SLCO4C1: variants seen among roughly 807,000 people sequenced by gnomAD.
SLCO4C1 encodes organic anion transporter M1.
A neutral mutation model predicts 72.1 loss-of-function variants in SLCO4C1; 58 were observed. That is an observed-to-expected ratio of 0.80 (90% CI 0.65 to 1.00). The LOEUF (loss-of-function observed/expected upper bound fraction) is 1.00, where lower values mean the gene tolerates loss of function less well. Ranked by LOEUF, SLCO4C1 falls within the 50% of genes least tolerant of loss-of-function variation. The pLI is 0.00. For missense variants in SLCO4C1, 898 were observed against 857.9 expected (o/e 1.05, Z -0.58); for synonymous variants, 297 against 312.5 (o/e 0.95, Z 0.52).
chr5:102,239,444 G>T, intron 11 of SLCO4C1, 56 bp from the exon 12 acceptor site: 1 of 1,294,792 alleles, frequency 7.7e-7, no homozygotes, highest in Non-Finnish European at 1.0e-6. Context: ...TAGAATTACA[G>T]ATCTTTTTAT....
intron 2 of SLCO4C1, among the ~76,000 whole-genome samples, chr5:102,283,782 G>A (rs1749399162): frequency 1.3e-5 from 2 of 151,946 alleles, no homozygotes; most frequent in South Asian, 4.1e-4. Flanking sequence ...TCCTTCCACA[G>A]AAGACAGTAA....
intron 2 of SLCO4C1, among the ~76,000 whole-genome samples, chr5:102,281,351 A>T (rs544574831): frequency 2.0e-5 from 3 of 152,256 alleles, no homozygotes; most frequent in Admixed American, 1.3e-4. Flanking sequence ...TTTTTTAAAA[A>T]TAGAAGAAAA....
At chr5:102,240,267 T>C (rs1461269807) in intron 11 of SLCO4C1, among the ~76,000 whole-genome samples, 1 of 152,142 alleles carries the variant, frequency 6.6e-6, no homozygotes, top group Admixed American at 6.6e-5. Context: ...TAATTTGTCC[T>C]GTACCTGGAA....
At position 102,295,972 on chromosome 5, in the gene SLCO4C1, A is replaced by T; in HGVS notation, c.291T>A (p.Cys97Ter). Residue 97 changes from cysteine to a stop codon, truncating the protein, a stop_gained, in exon 1 of 13, where the codon TGT (cysteine) becomes TGA (stop). Coordinates refer to ENST00000310954, the MANE Select transcript of SLCO4C1 (RefSeq NM_180991.5). LOFTEE classifies it high-confidence loss of function. Reference sequence around the variant, plus strand: ...CTCCAGGTGTGTTGCAGCGCTGGAGACATTGAGGATGGAAGTTCCTCCAGC... The same window carrying T: ...CTCCAGGTGTGTTGCAGCGCTGGAGTCATTGAGGATGGAAGTTCCTCCAGC... ...SYGWRNFHPQ[C>*]LQRCNTPGGF... The T allele has an allele frequency of 6.2e-7, 1 of 1,614,244 alleles. No homozygotes were observed. Among genetic ancestry groups the T allele is most frequent in the Non-Finnish European group, 8.5e-7 (1 of 1,180,050 alleles).
intron 12 of SLCO4C1, among the ~76,000 whole-genome samples, chr5:102,238,780 G>C (rs1264909505): frequency 6.6e-6 from 1 of 151,800 alleles, no homozygotes; most frequent in Non-Finnish European, 1.5e-5. Flanking sequence ...ACTGCAAAAG[G>C]CAAAAAGAAT....
intron 2 of SLCO4C1, among the ~76,000 whole-genome samples, chr5:102,285,216 C>CACAT (rs1452456265): frequency 6.6e-6 from 1 of 150,652 alleles, no homozygotes; most frequent in Non-Finnish European, 1.5e-5. Context: ...TATACATACA[C>CACAT]ACACACACAC....
At chr5:102,282,559 TAGA>T (rs1263986645) in intron 2 of SLCO4C1, among the ~76,000 whole-genome samples, 5 of 151,884 alleles carry the variant, frequency 3.3e-5, no homozygotes, top group Non-Finnish European at 7.4e-5. Context: ...AATGAAATAA[TAGA>T]AAAGCAAAAA....
intron 3 of SLCO4C1, among the ~76,000 whole-genome samples, chr5:102,270,420 C>T (rs1749128480): frequency 6.6e-6 from 1 of 152,040 alleles, no homozygotes; most frequent in Non-Finnish European, 1.5e-5. Flanking sequence ...AGAAATACAG[C>T]AGAGGATCAA....
Position 102,291,601 on chromosome 5 carries a change from C to T in SLCO4C1, c.361G>A (p.Val121Ile). ...CTAATATTTACTAGGCCATTAACTACAATACCTAAAAAACAGAAAAGTTGA... is the reference window on the plus strand; with the variant it reads ...CTAATATTTACTAGGCCATTAACTATAATACCTAAAAAACAGAAAAGTTGA... ...YCLLAVTQGI[V>I]VNGLVNISIS... is the part of the protein sequence containing the mutation. Residue 121 changes from valine (V) to isoleucine (I), a missense_variant, in exon 2 of 13, where the codon GTA becomes ATA. Val to Ile is a conservative substitution (Grantham distance 29). Coordinates refer to ENST00000310954, the MANE Select transcript of SLCO4C1 (RefSeq NM_180991.5). The T allele has an allele frequency of 6.2e-7, 1 of 1,602,250 alleles. No individual in the cohort carries two copies. The highest frequency in any genetic ancestry group is 1.3e-5 in the African/African-American group (1 of 74,308).
chr5:102,283,588 C>CAA (rs544259565), intron 2 of SLCO4C1, among the ~76,000 whole-genome samples: 29 of 70,646 alleles, frequency 4.1e-4, no homozygotes, highest in African/African-American at 1.1e-3. Flanking sequence ...AAGGAAGCTA[C>CAA]AAAAAAAAAA....
chr5:102,257,309 C>A lies in SLCO4C1; in HGVS notation c.1275G>T (p.Gly425=). The part of the protein sequence containing the change: ...LTSSFAATLG[G]AVLIPGAALG... Reference sequence around the variant, plus strand: ...GAGCAGCTCCAGGAATTAAAACAGCCCCTAATAAGAAAAAAGAATGTAGAT... The same window carrying A: ...GAGCAGCTCCAGGAATTAAAACAGCACCTAATAAGAAAAAAGAATGTAGAT... Residue 425 remains glycine (G), a splice_region_variant and synonymous_variant, in exon 8 of 13, where the codon GGG becomes GGT. Transcript: ENST00000310954. 6.3e-7 allele frequency: 1 copy of A among 1,578,746 alleles called. No individual in the cohort carries two copies. Among genetic ancestry groups the A allele is most frequent in the Non-Finnish European group, 8.6e-7 (1 of 1,167,344 alleles).
chr5:102,251,117 T>A (rs937896595), intron 8 of SLCO4C1, among the ~76,000 whole-genome samples: 1 of 152,118 alleles, frequency 6.6e-6, no homozygotes, highest in Admixed American at 6.5e-5. Flanking sequence ...TGGAGAAATA[T>A]GAATGATGTC....
intron 10 of SLCO4C1, among the ~76,000 whole-genome samples, chr5:102,243,280 C>T (rs1117298): frequency 0.07 from 10,608 of 152,220 alleles, 410 homozygotes; most frequent in Middle Eastern, 0.12. Context: ...ACCTCCCCAC[C>T]CAAGCGAAGG....
In SLCO4C1 at chr5:102,236,865, T is replaced by A; in HGVS notation, c.2168A>T (p.Glu723Val). ...GTCTTCTCTTTTCCCATTTCACCCT[T>A]CTTTTACTATTTTGTTGAGATCCTG... ...AEQDLNKIVK[E>V]G Residue 723 changes from glutamate to valine, a missense_variant, in exon 13 of 13, where the codon GAA (glutamate) becomes GTA (valine). Transcript: ENST00000310954. The A allele has an allele frequency of 6.2e-7, 1 of 1,611,458 alleles. No individual in the cohort carries two copies. The highest frequency in any genetic ancestry group is 8.5e-7 in the Non-Finnish European group (1 of 1,179,380).
chr5:102,287,397 A>G (rs575825881), intron 2 of SLCO4C1, among the ~76,000 whole-genome samples: 1 of 152,292 alleles, frequency 6.6e-6, no homozygotes, highest in East Asian at 1.9e-4. Context: ...TAGTATGAGT[A>G]ATAAGCATAC....
chr5:102,286,531 T>A (rs1749455751), intron 2 of SLCO4C1, among the ~76,000 whole-genome samples: 1 of 152,166 alleles, frequency 6.6e-6, no homozygotes, highest in Non-Finnish European at 1.5e-5. Flanking sequence ...TATGTTGAAG[T>A]AAGTCAAAAT....
At chr5:102,256,413 G>A (rs1199360799) in intron 8 of SLCO4C1, among the ~76,000 whole-genome samples, 2 of 152,034 alleles carry the variant, frequency 1.3e-5, no homozygotes. Flanking sequence ...TTGACCTAAC[G>A]TACCACTTTC....
intron 2 of SLCO4C1, 71 bp downstream of exon 2, chr5:102,291,272 A>G: frequency 2.1e-5 from 31 of 1,485,744 alleles, no homozygotes; most frequent in Non-Finnish European, 2.7e-5. Flanking sequence ...GTGAATTGCA[A>G]TATAAAGTTA....
At chr5:102,271,669 C>T (rs2112377128) in intron 2 of SLCO4C1, among the ~76,000 whole-genome samples, 2 of 151,508 alleles carry the variant, frequency 1.3e-5, no homozygotes, top group Admixed American at 6.6e-5. Flanking sequence ...AGCATTTTTC[C>T]ATACATTTAT....
Sources: allele counts gnomAD v4.1 joint callset (sites outside exome capture counted in the v4.1 genomes callset), GRCh38; gene constraint gnomAD v4.1.1; transcripts MANE v1.5; gene names NCBI Gene and HGNC (gene_info 2026-07-23, HGNC 2026-07-21).